KHDRBS2: variants seen among roughly 807,000 people sequenced by gnomAD.
KHDRBS2 encodes KH RNA binding domain containing, signal transduction associated 2.
A neutral mutation model predicts 44.3 loss-of-function variants in KHDRBS2; 26 were observed. The observed-to-expected ratio is 0.59, with a 90% CI of 0.43 to 0.81. The LOEUF (loss-of-function observed/expected upper bound fraction) is 0.81, where lower values mean the gene tolerates loss of function less well. Among genes scored for constraint, KHDRBS2 ranks in the 40% least tolerant of loss-of-function variants. The pLI is 0.00. For synonymous variants in KHDRBS2, 194 were observed against 151.1 expected, an observed-to-expected ratio of 1.28 and a Z score of -2.08; for missense variants, 476 against 433.1, an observed-to-expected ratio of 1.10 and a Z score of -0.88.
chr6:61,919,520 C>G (rs1276157272), intron 4 of KHDRBS2, among the ~76,000 whole-genome samples: 1 of 151,866 alleles, frequency 6.6e-6, no homozygotes, highest in Non-Finnish European at 1.5e-5. Flanking sequence ...TGTAAACCAG[C>G]TAGCTCAGAA....
chr6:61,809,375 A>G (rs1285670938), intron 6 of KHDRBS2, among the ~76,000 whole-genome samples: 5 of 152,152 alleles, frequency 3.3e-5, no homozygotes, highest in African/African-American at 1.2e-4. Context: ...GCCCAAGTAC[A>G]TGCTTTGACA....
chr6:61,578,641 T>C, the KHDRBS2 span, among the ~76,000 whole-genome samples: 93,145 of 151,522 alleles, frequency 0.61, 28,817 homozygotes, highest in Non-Finnish European at 0.65. Flanking sequence ...GCCTGCCCCA[T>C]TGCGTTCGTG....
At chr6:61,850,643 A>G (rs1795280943) in intron 6 of KHDRBS2, among the ~76,000 whole-genome samples, 1 of 152,204 alleles carries the variant, frequency 6.6e-6, no homozygotes, top group Non-Finnish European at 1.5e-5. Context: ...AAACACACAG[A>G]GAATTTTTTC....
the KHDRBS2 span, among the ~76,000 whole-genome samples, chr6:61,661,814 C>A: frequency 2.0e-5 from 3 of 151,910 alleles, no homozygotes; most frequent in African/African-American, 7.2e-5. Flanking sequence ...TGAAAATGGC[C>A]ATACTGCCTA....
chr6:61,744,050 T>G (rs1023501397), intron 6 of KHDRBS2, among the ~76,000 whole-genome samples: 1 of 152,070 alleles, frequency 6.6e-6, no homozygotes, highest in Non-Finnish European at 1.5e-5. Context: ...TTAGGTTGGA[T>G]CCAAGTCTCT....
intron 1 of KHDRBS2, among the ~76,000 whole-genome samples, chr6:62,279,692 C>A (rs1841525783): frequency 6.6e-6 from 1 of 152,090 alleles, no homozygotes; most frequent in African/African-American, 2.4e-5. Flanking sequence ...TAGCAGTACT[C>A]AGTTTTATTG....
At chr6:62,197,280 A>T (rs182393661) in intron 1 of KHDRBS2, among the ~76,000 whole-genome samples, 1 of 152,278 alleles carries the variant, frequency 6.6e-6, no homozygotes, top group East Asian at 1.9e-4. Context: ...AGGTACTGTG[A>T]TATCAAGTTA....
chr6:61,603,410 T>G, the KHDRBS2 span, among the ~76,000 whole-genome samples: 1 of 152,158 alleles, frequency 6.6e-6, no homozygotes, highest in Non-Finnish European at 1.5e-5. Context: ...TGCTTTCACT[T>G]GGACTGACCC....
rs568441108 is a variant in KHDRBS2 at position 62,179,117 on chromosome 6, C to T, written c.92-1805G>A. 3.9e-4 allele frequency among the ~76,000 whole-genome samples: 59 copies of T among 151,528 alleles called. 1 individual carries two copies. In the South Asian group the frequency reaches 0.011, roughly 28 times the overall value. ...AAAACATTTCAATTAGTAATCTTTTCGCATACTATTTATTTGGGCTGTGTG... is the reference window on the plus strand; with the variant it reads ...AAAACATTTCAATTAGTAATCTTTTTGCATACTATTTATTTGGGCTGTGTG... On this transcript the variant is annotated intron_variant, in intron 1 of 8. Transcript: ENST00000281156.
In KHDRBS2 at chr6:61,954,634, A is replaced by G. The variant is rs138160058; in HGVS notation, c.483+23432T>C. ...TATGTATACATATATATGTATATATACACATACATACTTATGTATACATAC... is the reference window on the plus strand; with the variant it reads ...TATGTATACATATATATGTATATATGCACATACATACTTATGTATACATAC... On this transcript the variant is annotated intron_variant, in intron 4 of 8. Transcript: ENST00000281156. Among the ~76,000 whole-genome samples, 840 of 125,318 alleles carry G rather than the reference A, an allele frequency of 6.7e-3. 23 individuals are homozygous for G. The highest frequency in any genetic ancestry group is 0.029 in the Middle Eastern group (4 of 136). The allele number at this position is 125,318 out of a possible 152,430, so 82.2% of individuals were successfully genotyped here.
At chr6:61,612,410 G>A in the KHDRBS2 span, among the ~76,000 whole-genome samples, 26 of 152,214 alleles carry the variant, frequency 1.7e-4, no homozygotes, top group Admixed American at 1.6e-3. Flanking sequence ...TAGACCTTAT[G>A]GTCATTTCCC....
Position 62,111,260 on chromosome 6 carries a change from T to C in KHDRBS2, c.220-63266A>G, listed in dbSNP as rs370330159. Among the ~76,000 whole-genome samples, 4 of 152,246 alleles carry C rather than the reference T, an allele frequency of 2.6e-5. No individual in the cohort carries two copies. In the South Asian group the frequency reaches 6.2e-4, roughly 24 times the overall value. On this transcript the variant is annotated intron_variant, in intron 2 of 8. Transcript: ENST00000281156. ...TATTAACACTTCCCTTAGACACAGA[T>C]AACAATATTCAAATATGCTTCATTT...
intron 1 of KHDRBS2, among the ~76,000 whole-genome samples, chr6:62,195,208 A>G (rs750621768): frequency 6.6e-6 from 1 of 152,286 alleles, no homozygotes; most frequent in Middle Eastern, 3.4e-3. Context: ...AATTTTAAAA[A>G]TTCATTTTCA....
intron 4 of KHDRBS2, among the ~76,000 whole-genome samples, chr6:61,935,202 G>A (rs1810809265): frequency 1.3e-5 from 2 of 152,160 alleles, no homozygotes; most frequent in Admixed American, 1.3e-4. Flanking sequence ...AGGGCATGAG[G>A]TAGTAAATGT....
intron 2 of KHDRBS2, among the ~76,000 whole-genome samples, chr6:62,106,747 G>A (rs1803456186): frequency 2.0e-5 from 3 of 151,992 alleles, no homozygotes; most frequent in Non-Finnish European, 2.9e-5. Flanking sequence ...ATCCACCATG[G>A]TCAAGTGGGC....
At chr6:62,129,751 T>C (rs768509252) in intron 2 of KHDRBS2, among the ~76,000 whole-genome samples, 4 of 152,168 alleles carry the variant, frequency 2.6e-5, no homozygotes, top group Admixed American at 2.0e-4. Context: ...ATATTTGACA[T>C]GCTCTATAGC....
chr6:62,276,317 C>T (rs554026595), intron 1 of KHDRBS2, among the ~76,000 whole-genome samples: 5 of 152,120 alleles, frequency 3.3e-5, no homozygotes, highest in Non-Finnish European at 7.3e-5. Context: ...TCTGATCAAA[C>T]GTAAAATTTG....
Position 62,218,022 on chromosome 6 carries a change from G to C in KHDRBS2, c.92-40710C>G, listed in dbSNP as rs74997112. ...TCCCAGAGAAGAGTGACTCTGGAGA[G>C]ATAAGTCTGGCATTTGGGTTTGCTT... On this transcript the variant is annotated intron_variant, in intron 1 of 8. Transcript: ENST00000281156. Among the ~76,000 whole-genome samples, 229 of 151,960 alleles carry C rather than the reference G, an allele frequency of 1.5e-3. 2 individuals are homozygous for C. The highest frequency in any genetic ancestry group is 5.4e-3 in the African/African-American group (223 of 41,512).
chr6:62,212,072 C>A (rs1002960071), intron 1 of KHDRBS2, among the ~76,000 whole-genome samples: 1 of 152,066 alleles, frequency 6.6e-6, no homozygotes, highest in Admixed American at 6.5e-5. Context: ...AAGCAAATAC[C>A]ACATGTTCTT....
Sources: gnomAD v4.1 joint callset for allele counts (sites outside exome capture counted in the v4.1 genomes callset) on GRCh38, gnomAD v4.1.1 for gene constraint, MANE v1.5 for transcripts, NCBI Gene and HGNC (gene_info 2026-07-23, HGNC 2026-07-21) for gene names.